BAZ2B: variants seen among roughly 807,000 people sequenced by gnomAD.
The protein encoded by BAZ2B is bromodomain adjacent to zinc finger domain protein 2B.
BAZ2B carries 91 observed loss-of-function variants against 246.0 expected under a neutral mutation model. That is an observed-to-expected ratio of 0.37 (90% confidence interval 0.31 to 0.44). The LOEUF (loss-of-function observed/expected upper bound fraction) is 0.44. Ranked by LOEUF, BAZ2B falls within the 20% of genes least tolerant of loss-of-function variation. The pLI is 1.00. For synonymous variants in BAZ2B, 855 were observed against 860.0 expected (o/e 0.99, Z 0.10); for missense variants, 2,332 against 2,533.7 (o/e 0.92, Z 1.71).
intron 14 of BAZ2B, among the ~76,000 whole-genome samples, chr2:159,410,924 A>G (rs1248984663): frequency 6.6e-6 from 1 of 152,226 alleles, no homozygotes; most frequent in Non-Finnish European, 1.5e-5. Context: ...TTAAAAATCA[A>G]AAAGGATATA....
chr2:159,356,550 T>G (rs1412854403), intron 27 of BAZ2B, among the ~76,000 whole-genome samples: 1 of 152,144 alleles, frequency 6.6e-6, no homozygotes, highest in Non-Finnish European at 1.5e-5. Flanking sequence ...TGGGCACAGC[T>G]TCAGCAGACT....
At chr2:159,332,423 G>T in intron 34 of BAZ2B, 117 bp downstream of exon 34, 1 of 1,002,054 alleles carries the variant, frequency 1.0e-6, no homozygotes, top group Non-Finnish European at 1.4e-6. Flanking sequence ...GGAGTTTTAG[G>T]CTGTAGTGGG....
chr2:159,395,675 C>A (rs921288023), intron 20 of BAZ2B, 94 bp downstream of exon 20: 1 of 1,164,478 alleles, frequency 8.6e-7, no homozygotes, highest in Non-Finnish European at 1.2e-6. Context: ...TCACAACAAA[C>A]CTATATTCTG....
intron 1 of BAZ2B, among the ~76,000 whole-genome samples, chr2:159,566,066 C>T (rs976536902): frequency 2.6e-5 from 4 of 152,166 alleles, no homozygotes; most frequent in Non-Finnish European, 5.9e-5. Context: ...GGCTGGAGTG[C>T]AATGGCTCAA....
intron 1 of BAZ2B, among the ~76,000 whole-genome samples, chr2:159,604,436 A>G (rs890696776): frequency 6.6e-6 from 1 of 152,130 alleles, no homozygotes; most frequent in African/African-American, 2.4e-5. Context: ...ATAATTGTAC[A>G]TATTTGTAGA....
intron 2 of BAZ2B, among the ~76,000 whole-genome samples, chr2:159,551,568 A>G (rs2088259438): frequency 6.6e-6 from 1 of 152,132 alleles, no homozygotes; most frequent in Admixed American, 6.5e-5. Context: ...AGCCACTATA[A>G]TAATGAAATT....
At chr2:159,458,326 CTTTT>C (rs1235604507) in intron 3 of BAZ2B, 1 of 143,348 alleles carries the variant, frequency 7.0e-6, no homozygotes. Context: ...TCTATTCTTT[CTTTT>C]TTCTTTTTTT....
the BAZ2B span, among the ~76,000 whole-genome samples, chr2:159,673,432 A>T: frequency 3.3e-5 from 5 of 152,204 alleles, no homozygotes; most frequent in Non-Finnish European, 7.3e-5. Flanking sequence ...TAATCTCTAT[A>T]GGGAAGAATT....
At chr2:159,507,262 A>T (rs147484446) in intron 2 of BAZ2B, among the ~76,000 whole-genome samples, 77 of 152,320 alleles carry the variant, frequency 5.1e-4, no homozygotes, top group African/African-American at 1.8e-3. Flanking sequence ...AAAGAGAAGT[A>T]CAAAACTTGA....
chr2:159,639,318 A>G, the BAZ2B span, among the ~76,000 whole-genome samples: 1 of 152,222 alleles, frequency 6.6e-6, no homozygotes, highest in Non-Finnish European at 1.5e-5. Context: ...AGAAAAGGAC[A>G]TTCATAAGCA....
chr2:159,547,906 T>C (rs1299952652), intron 2 of BAZ2B, among the ~76,000 whole-genome samples: 2 of 152,206 alleles, frequency 1.3e-5, no homozygotes, highest in African/African-American at 4.8e-5. Flanking sequence ...GAAGCTAAAC[T>C]TATATCTGTG....
chr2:159,536,456 A>G (rs2086003030), intron 2 of BAZ2B: 1 of 152,248 alleles, frequency 6.6e-6, no homozygotes, highest in South Asian at 2.1e-4. Context: ...AGTATTTCTC[A>G]GTAACCCAGA....
chr2:159,587,113 C>CT (rs1688194622), intron 1 of BAZ2B, among the ~76,000 whole-genome samples: 1 of 150,498 alleles, frequency 6.6e-6, no homozygotes, highest in African/African-American at 2.5e-5. Context: ...GAGTATGGCT[C>CT]TGTAGCCCAG....
intron 2 of BAZ2B, among the ~76,000 whole-genome samples, chr2:159,491,516 C>T (rs1022460136): frequency 6.6e-6 from 1 of 150,660 alleles, no homozygotes; most frequent in African/African-American, 2.4e-5. Flanking sequence ...GTCAGGAGAT[C>T]GAGACCATCC....
intron 13 of BAZ2B, among the ~76,000 whole-genome samples, chr2:159,413,653 A>T (rs533740048): frequency 6.6e-6 from 1 of 152,326 alleles, no homozygotes; most frequent in Admixed American, 6.5e-5. Context: ...GGTTGCAGTA[A>T]GCCGAGATCG....
chr2:159,350,181 C>G lies in BAZ2B; in HGVS notation c.4390G>C (p.Gly1464Arg), dbSNP rs2058404728. The change falls in exon 28 of 37, where the codon GGC becomes CGC. Residue 1464 changes from glycine (G) to arginine (R), a missense_variant. Physicochemically the swap from Gly to Arg is moderately radical, Grantham distance 125 (BLOSUM62 -2). Coordinates refer to ENST00000392783, the MANE Select transcript of BAZ2B (RefSeq NM_013450.4). ...AGCTTGCTTAATTTGGAAAAAGAGC[C>G]AGGTTTCTGAAGGAATAGATTTGTG... Reference protein sequence around the residue: ...DNTNLFLQKPGSFSKLSKLLE... With the variant: ...DNTNLFLQKPRSFSKLSKLLE... The G allele has an allele frequency of 1.2e-6, 2 of 1,614,062 alleles. No individual in the cohort carries two copies. The highest frequency in any genetic ancestry group is 1.7e-6 in the Non-Finnish European group (2 of 1,179,982).
At chr2:159,420,320 G>A (rs2068510613) in intron 13 of BAZ2B, among the ~76,000 whole-genome samples, 1 of 152,106 alleles carries the variant, frequency 6.6e-6, no homozygotes, top group South Asian at 2.1e-4. Context: ...CAGAAAAAAA[G>A]GCTCTTTTCA....
At chr2:159,601,481 G>A (rs1156757516) in intron 1 of BAZ2B, among the ~76,000 whole-genome samples, 1 of 151,062 alleles carries the variant, frequency 6.6e-6, no homozygotes, top group Non-Finnish European at 1.5e-5. Context: ...CCAGCACTTC[G>A]GGAGGCCGAG....
Position 159,325,696 on chromosome 2 carries a change from T to C in BAZ2B, c.6166A>G (p.Lys2056Glu). Residue 2056 changes from lysine to glutamate, a missense_variant, in exon 35 of 37, where the codon AAG (lysine) becomes GAG (glutamate). By Grantham distance (56) the Lys-to-Glu change is moderately conservative. Around this residue, in one of 9 missense-constraint regions of BAZ2B, gnomAD observed 210 missense variants for 232.5 expected, o/e 0.90. Transcript: ENST00000392783. ...LSKQESFTSV[K>E]KPKRDDSKDL... ...TTGGAGTCATCTCTTTTAGGTTTCT[T>C]AACTGAAGTAAAACTTTCTTGTTTT... The C allele has an allele frequency of 6.3e-7, 1 of 1,594,638 alleles. No individual in the cohort carries two copies. The highest frequency in any genetic ancestry group is 8.5e-7 in the Non-Finnish European group (1 of 1,175,848).
Sources: gnomAD v4.1 joint callset for allele counts (sites outside exome capture counted in the v4.1 genomes callset) on GRCh38, gnomAD v4.1.1 for gene constraint, gnomAD v4.1.1 regional missense constraint, MANE v1.5 for transcripts, NCBI Gene and HGNC (gene_info 2026-07-23, HGNC 2026-07-21) for gene names.